The following SHROOM2 variants were observed in gnomAD, a reference collection of about 807,000 sequenced individuals.
SHROOM2 encodes shroom family member 2.
In SHROOM2, 33 loss-of-function variants were observed where a neutral mutation model predicts 75.9. The observed-to-expected ratio is 0.43, with a 90% CI of 0.33 to 0.58. The LOEUF is 0.58. Among genes scored for constraint, SHROOM2 ranks in the 20% least tolerant of loss-of-function variants. The probability of loss-of-function intolerance (pLI) is 0.04; values close to 1 mark genes in which losing one functional copy is unlikely to be tolerated. For missense variants in SHROOM2, 1,434 were observed against 1,461.2 expected (o/e 0.98, Z 0.30); for synonymous variants, 655 against 663.6 (o/e 0.99, Z 0.20).
chrX:9,900,564 TTTG>T (rs1274629780), intron 5 of SHROOM2, among the ~76,000 whole-genome samples: 51 of 112,282 alleles, frequency 4.5e-4, no homozygotes, highest in African/African-American at 1.5e-3. Context: ...GGAATTGTTT[TTTG>T]TTGTTGTTGC....
intron 1 of SHROOM2, among the ~76,000 whole-genome samples, chrX:9,786,957 C>G (rs987368633): frequency 9.0e-6 from 1 of 111,615 alleles, no homozygotes; most frequent in Non-Finnish European, 1.9e-5. Context: ...CTCCCTCCTC[C>G]GGGCAGGGGC....
At chrX:9,920,500 A>G (rs2084535488) in intron 5 of SHROOM2, among the ~76,000 whole-genome samples, 1 of 112,348 alleles carries the variant, frequency 8.9e-6, no homozygotes, top group East Asian at 2.8e-4. Context: ...TTTTGTCAAT[A>G]ATAGATCATA....
intron 7 of SHROOM2, 30 bp downstream of exon 7, chrX:9,937,715 G>A (rs769626684): frequency 1.3e-5 from 14 of 1,097,765 alleles, no homozygotes; most frequent in South Asian, 4.5e-5. Context: ...CAGCTTGGGC[G>A]TGACTCTGCC....
chrX:9,930,318 C>A (rs1473003757), intron 5 of SHROOM2, among the ~76,000 whole-genome samples: 1 of 110,516 alleles, frequency 9.0e-6, no homozygotes, highest in Non-Finnish European at 1.9e-5. Context: ...GAGTTTGAGA[C>A]CAGCCTGGGC....
intron 2 of SHROOM2, among the ~76,000 whole-genome samples, chrX:9,888,681 C>T (rs2147010344): frequency 8.9e-6 from 1 of 111,845 alleles, no homozygotes; most frequent in East Asian, 2.8e-4. Flanking sequence ...TGGCCGAAAG[C>T]AATCCTCCCA....
chrX:9,791,971 G>A (rs563914336), intron 1 of SHROOM2, among the ~76,000 whole-genome samples: 19 of 54 alleles, frequency 0.35, 2 homozygotes, highest in African/African-American at 0.43. Flanking sequence ...TCCATCTCGA[G>A]AATAGAATAG....
At chrX:9,826,077 G>A (rs891744953) in intron 1 of SHROOM2, among the ~76,000 whole-genome samples, 20 of 112,714 alleles carry the variant, frequency 1.8e-4, no homozygotes, top group Non-Finnish European at 3.2e-4. Context: ...GGGTGCATGT[G>A]CCTCTCACGG....
At chrX:9,941,545 A>G (rs1363624019) in intron 8 of SHROOM2, among the ~76,000 whole-genome samples, 2 of 112,447 alleles carry the variant, frequency 1.8e-5, no homozygotes, top group Non-Finnish European at 3.8e-5. Flanking sequence ...AAAAGAACCA[A>G]TAAAGAAATC....
chrX:9,815,189 AATGC>A (rs2146743941), intron 1 of SHROOM2, among the ~76,000 whole-genome samples: 1 of 111,458 alleles, frequency 9.0e-6, no homozygotes, highest in East Asian at 2.8e-4. Flanking sequence ...AGGAGTGTCA[AATGC>A]ATTTATTTTG....
At chrX:9,816,664 T>C (rs1426637409) in intron 1 of SHROOM2, among the ~76,000 whole-genome samples, 1 of 110,546 alleles carries the variant, frequency 9.0e-6, no homozygotes, top group Non-Finnish European at 1.9e-5. Flanking sequence ...GAAGTGGACA[T>C]GGGGTTGATT....
intron 5 of SHROOM2, among the ~76,000 whole-genome samples, chrX:9,929,763 C>T (rs2084629889): frequency 1.8e-5 from 2 of 111,573 alleles, no homozygotes; most frequent in African/African-American, 6.5e-5. Context: ...GGCTGTGTCC[C>T]CACCCAAATC....
intron 1 of SHROOM2, among the ~76,000 whole-genome samples, chrX:9,789,790 T>C (rs1037293755): frequency 1.4e-4 from 16 of 111,357 alleles, no homozygotes; most frequent in African/African-American, 5.2e-4. Flanking sequence ...TTTCTTAGAG[T>C]CCGCTCCCTC....
chrX:9,863,068 T>G (rs953219728), intron 1 of SHROOM2, among the ~76,000 whole-genome samples: 5 of 110,685 alleles, frequency 4.5e-5, no homozygotes, highest in Non-Finnish European at 7.6e-5. Flanking sequence ...CTGACCTCCC[T>G]CCAAGAAGAC....
chrX:9,936,258 C>T (rs973947980), intron 6 of SHROOM2, among the ~76,000 whole-genome samples: 1 of 109,608 alleles, frequency 9.1e-6, no homozygotes, highest in South Asian at 4.0e-4. Context: ...ATTACAGGTG[C>T]GCACCACCAC....
At chrX:9,809,052 C>G (rs1303179887) in intron 1 of SHROOM2, among the ~76,000 whole-genome samples, 1 of 108,767 alleles carries the variant, frequency 9.2e-6, no homozygotes, top group Admixed American at 1.0e-4. Flanking sequence ...CCTTTCCCTC[C>G]CTTCCCCCAA....
intron 6 of SHROOM2, 75 bp from the exon 7 acceptor site, chrX:9,937,059 A>G (rs2084716164): frequency 9.9e-6 from 10 of 1,011,634 alleles, no homozygotes; most frequent in Middle Eastern, 3.2e-4. Context: ...TCCAGAGGGG[A>G]GGGCAGGGGA....
chrX:9,813,509 T>C (rs1163469343), intron 1 of SHROOM2, among the ~76,000 whole-genome samples: 2 of 110,867 alleles, frequency 1.8e-5, no homozygotes, highest in Non-Finnish European at 3.8e-5. Flanking sequence ...AGTCCAGAGG[T>C]CTCATTGGGG....
chrX:9,817,691 A>G (rs1003064309), intron 1 of SHROOM2, among the ~76,000 whole-genome samples: 6 of 112,523 alleles, frequency 5.3e-5, no homozygotes, highest in African/African-American at 1.9e-4. Context: ...CTCGCAGTGT[A>G]CATTACCAGA....
In SHROOM2 at chrX:9,929,522, T is replaced by C. The variant is rs143902450; in HGVS notation, c.2892-2653T>C. Reference sequence around the variant, plus strand: ...GCCAGGAGCCAGCCTGCCGTCCACTTTCTCAGTGGGTCTCTTGCTCCATGT... The same window carrying C: ...GCCAGGAGCCAGCCTGCCGTCCACTCTCTCAGTGGGTCTCTTGCTCCATGT... On this transcript the variant is annotated intron_variant, in intron 5 of 9. Transcript: ENST00000380913. Among the ~76,000 whole-genome samples, 883 of 111,190 alleles carry C rather than the reference T, an allele frequency of 7.9e-3. 11 individuals carry two copies. The highest frequency in any genetic ancestry group is 0.026 in the African/African-American group (802 of 30,610).
Sources: allele counts gnomAD v4.1 joint callset (sites outside exome capture counted in the v4.1 genomes callset), GRCh38; gene constraint gnomAD v4.1.1; transcripts MANE v1.5; gene names NCBI Gene and HGNC (gene_info 2026-07-23, HGNC 2026-07-21).